Variants in RBFOX1 observed in about 807,000 individuals in gnomAD.
RBFOX1 encodes the protein RNA binding fox-1 homolog 1, also known as RNA binding protein fox-1 homolog 1.
A neutral mutation model predicts 57.7 loss-of-function variants in RBFOX1; 8 were observed. The ratio of observed to expected loss-of-function variants is 0.14; its 90% CI spans 0.08 to 0.25. The LOEUF is 0.25. RBFOX1 is among the 10% of genes least tolerant of loss of function. The probability of loss-of-function intolerance (pLI) is 1.00; values close to 1 mark genes in which losing one functional copy is unlikely to be tolerated. For missense variants in RBFOX1, 611 were observed against 548.5 expected (o/e 1.11, Z -1.14); for synonymous variants, 326 against 222.4 (o/e 1.47, Z -4.15).
intron 2 of RBFOX1, among the ~76,000 whole-genome samples, chr16:6,461,317 T>G (rs1465760518): frequency 6.6e-6 from 1 of 152,186 alleles, no homozygotes; most frequent in Non-Finnish European, 1.5e-5. Context: ...AGCCTACCCT[T>G]ATGGATTCCT....
intron 9 of RBFOX1, among the ~76,000 whole-genome samples, chr16:7,599,973 G>C (rs919422708): frequency 6.6e-6 from 1 of 152,004 alleles, no homozygotes; most frequent in Non-Finnish European, 1.5e-5. Flanking sequence ...ACAAAATCTT[G>C]TGACCATGCC....
At chr16:6,962,624 GGAGGCC>G (rs1458687009) in intron 3 of RBFOX1, among the ~76,000 whole-genome samples, 1 of 152,118 alleles carries the variant, frequency 6.6e-6, no homozygotes, top group African/African-American at 2.4e-5. Flanking sequence ...CAGGGCTTTG[GGAGGCC>G]GAGGCCGGTA....
intron 1 of RBFOX1, among the ~76,000 whole-genome samples, chr16:5,402,204 G>A (rs2066736052): frequency 6.6e-6 from 1 of 152,110 alleles, no homozygotes; most frequent in African/African-American, 2.4e-5. Context: ...GGGTCACTTG[G>A]CTAAGACACC....
intron 4 of RBFOX1, among the ~76,000 whole-genome samples, chr16:7,362,423 C>T (rs575757409): frequency 3.8e-4 from 56 of 148,908 alleles, no homozygotes; most frequent in African/African-American, 1.1e-3. Flanking sequence ...TGTGTGTATG[C>T]GTTAGTGTGT....
chr16:7,143,305 C>T (rs2074239192), intron 4 of RBFOX1, among the ~76,000 whole-genome samples: 1 of 151,968 alleles, frequency 6.6e-6, no homozygotes, highest in South Asian at 2.1e-4. Flanking sequence ...TCCAGCCCTC[C>T]TCCACCGCAT....
chr16:7,591,298 C>G (rs889096141), intron 7 of RBFOX1, among the ~76,000 whole-genome samples: 3 of 152,126 alleles, frequency 2.0e-5, no homozygotes, highest in Admixed American at 2.0e-4. Context: ...CTCCCCTCTT[C>G]TAAATATGAA....
At chr16:7,688,025 T>C (rs1269377794) in intron 14 of RBFOX1, among the ~76,000 whole-genome samples, 1 of 152,024 alleles carries the variant, frequency 6.6e-6, no homozygotes, top group African/African-American at 2.4e-5. Context: ...TGAATATTTA[T>C]TAAAAAACAA....
chr16:5,381,538 G>A (rs1480770533), intron 1 of RBFOX1, among the ~76,000 whole-genome samples: 2 of 152,168 alleles, frequency 1.3e-5, no homozygotes, highest in Non-Finnish European at 2.9e-5. Flanking sequence ...ACCACACTGG[G>A]TAGTGAGGAT....
At chr16:6,214,371 G>A in intron 1 of RBFOX1, among the ~76,000 whole-genome samples, 1 of 150,046 alleles carries the variant, frequency 6.7e-6, no homozygotes. Context: ...GAGTGAGGGA[G>A]AAAGAGTGAG....
At chr16:7,315,036 T>C (rs1194685673) in intron 4 of RBFOX1, among the ~76,000 whole-genome samples, 1 of 152,084 alleles carries the variant, frequency 6.6e-6, no homozygotes, top group Non-Finnish European at 1.5e-5. Flanking sequence ...CATAACCTCA[T>C]ATATTTTATT....
chr16:7,676,336 A>C (rs1159977430), intron 13 of RBFOX1, among the ~76,000 whole-genome samples: 1 of 152,252 alleles, frequency 6.6e-6, no homozygotes, highest in African/African-American at 2.4e-5. Context: ...AAAAGACAGG[A>C]AAGCATTCAC....
In RBFOX1 at chr16:6,336,919, T is replaced by C. The variant is rs77900289; in HGVS notation, c.-64+19862T>C. ...GTTTTATCATATTCAAGAAATATCA[T>C]TTATTGGCAATCTACTATCTGCAAA... On this transcript the variant is annotated intron_variant, in intron 2 of 15. Transcript: ENST00000550418. Among the ~76,000 whole-genome samples the C allele has an allele frequency of 8.9e-4, 135 of 152,326 alleles. 2 individuals carry two copies. The East Asian group carries it at 0.022, about 24-fold the overall frequency.
At chr16:7,439,584 C>T (rs1367185595) in intron 4 of RBFOX1, among the ~76,000 whole-genome samples, 1 of 152,152 alleles carries the variant, frequency 6.6e-6, no homozygotes, top group Non-Finnish European at 1.5e-5. Flanking sequence ...AGCATTTAAT[C>T]CATGCTTTAA....
intron 1 of RBFOX1, among the ~76,000 whole-genome samples, chr16:6,052,441 A>C (rs2095561882): frequency 6.6e-6 from 1 of 152,164 alleles, no homozygotes; most frequent in Non-Finnish European, 1.5e-5. Context: ...TTGCTTAGTC[A>C]ACCTCTATAC....
At chr16:5,770,295 A>G (rs1228773589) in intron 3 of RBFOX1, among the ~76,000 whole-genome samples, 1 of 152,192 alleles carries the variant, frequency 6.6e-6, no homozygotes. Context: ...TGGTGATGAA[A>G]GTGATCTCTA....
At chr16:7,160,188 T>C (rs1336207948) in intron 4 of RBFOX1, among the ~76,000 whole-genome samples, 1 of 152,042 alleles carries the variant, frequency 6.6e-6, no homozygotes, top group East Asian at 1.9e-4. Flanking sequence ...TCATATGACT[T>C]TTGACTTTTT....
intron 3 of RBFOX1, among the ~76,000 whole-genome samples, chr16:6,967,324 C>T (rs2084490550): frequency 2.6e-5 from 4 of 152,108 alleles, no homozygotes; most frequent in South Asian, 4.1e-4. Flanking sequence ...TCTATACATC[C>T]ATCCATCTAC....
intron 2 of RBFOX1, among the ~76,000 whole-genome samples, chr16:6,574,727 C>G (rs1210009598): frequency 5.5e-5 from 8 of 145,834 alleles, no homozygotes; most frequent in Non-Finnish European, 1.1e-4. Flanking sequence ...GCGCCCGGCC[C>G]GTATCTTCTA....
At position 6,159,341 on chromosome 16, in the gene RBFOX1, T is replaced by A. The variant is rs557037899; in HGVS notation, c.-127+139349T>A. Among the ~76,000 whole-genome samples the A allele has an allele frequency of 1.2e-3, 183 of 152,250 alleles. 2 individuals are homozygous for A. Among genetic ancestry groups the A allele is most frequent in the African/African-American group, 3.7e-3 (155 of 41,544 alleles). On this transcript the variant is annotated intron_variant, in intron 1 of 15. Transcript: ENST00000550418. Reference sequence around the variant, plus strand: ...ATCTGCCCGCCTCGGCCTCCCAAAGTGCTGGGATTACAGGCGTGAGCCACC... The same window carrying A: ...ATCTGCCCGCCTCGGCCTCCCAAAGAGCTGGGATTACAGGCGTGAGCCACC...
Sources: allele counts gnomAD v4.1 joint callset (sites outside exome capture counted in the v4.1 genomes callset), GRCh38; gene constraint gnomAD v4.1.1; transcripts MANE v1.5; gene names NCBI Gene and HGNC (gene_info 2026-07-23, HGNC 2026-07-21).